The following DNAH14 variants were observed in gnomAD, a reference collection of about 807,000 sequenced individuals.
DNAH14 encodes dynein axonemal heavy chain 14, also known as axonemal beta dynein heavy chain 14.
In DNAH14, 478 loss-of-function variants were observed where a neutral mutation model predicts 520.9. The observed-to-expected ratio is 0.92, with a 90% CI of 0.85 to 0.99. The LOEUF is 0.99. DNAH14 is among the 50% of genes least tolerant of loss of function. The pLI is 0.00. For synonymous variants in DNAH14, 1,581 were observed against 1,757.2 expected (o/e 0.90, Z 2.51); for missense variants, 4,831 against 5,234.5 (o/e 0.92, Z 2.38).
At chr1:225,181,311 T>C (rs2083966635) in intron 36 of DNAH14, among the ~76,000 whole-genome samples, 1 of 152,222 alleles carries the variant, frequency 6.6e-6, no homozygotes, top group South Asian at 2.1e-4. Flanking sequence ...ACCTTTTTGG[T>C]ATAATGATTA....
chr1:225,152,169 C>A, intron 32 of DNAH14, 96 bp downstream of exon 32: 1 of 1,056,658 alleles, frequency 9.5e-7, no homozygotes, highest in Non-Finnish European at 1.4e-6. Flanking sequence ...TGCATCTATC[C>A]ATATATCTGT....
intron 44 of DNAH14, among the ~76,000 whole-genome samples, chr1:225,255,098 AT>A (rs1164445623): frequency 1.3e-5 from 2 of 152,238 alleles, no homozygotes; most frequent in Non-Finnish European, 2.9e-5. Flanking sequence ...GTGACAGACC[AT>A]GACACAGAAT....
chr1:225,085,857 CG>C, intron 21 of DNAH14, 68 bp downstream of exon 21: 1 of 1,427,188 alleles, frequency 7.0e-7, no homozygotes, highest in Non-Finnish European at 9.2e-7. Context: ...CAATCTTTTG[CG>C]GTCTACAGTT....
chr1:225,015,969 A>C (rs2065187043), intron 10 of DNAH14, among the ~76,000 whole-genome samples: 1 of 152,204 alleles, frequency 6.6e-6, no homozygotes. Flanking sequence ...GCTTTGGCGC[A>C]GTCTGGGACT....
At chr1:225,304,782 G>A in intron 57 of DNAH14, 126 bp from the exon 58 acceptor site, 1 of 897,990 alleles carries the variant, frequency 1.1e-6, no homozygotes. Flanking sequence ...TCATCCGGGA[G>A]CTCTCTCTAC....
At chr1:225,220,331 T>G (rs2089918987) in intron 41 of DNAH14, among the ~76,000 whole-genome samples, 1 of 152,158 alleles carries the variant, frequency 6.6e-6, no homozygotes, top group Non-Finnish European at 1.5e-5. Context: ...GAGAAAGAAA[T>G]AAACTGTATT....
chr1:224,951,422 C>T (rs2060163530), intron 1 of DNAH14, among the ~76,000 whole-genome samples: 1 of 151,774 alleles, frequency 6.6e-6, no homozygotes, highest in Admixed American at 6.6e-5. Flanking sequence ...AATCCAGTGC[C>T]ATCTACTTCC....
intron 78 of DNAH14, 150 bp downstream of exon 78, chr1:225,375,035 C>G: frequency 1.4e-6 from 1 of 700,504 alleles, no homozygotes; most frequent in Non-Finnish European, 2.3e-6. Flanking sequence ...TTACCCATGA[C>G]TCTATTAAAC....
At chr1:225,304,210 A>G (rs2094196098) in intron 57 of DNAH14, among the ~76,000 whole-genome samples, 1 of 152,172 alleles carries the variant, frequency 6.6e-6, no homozygotes, top group Non-Finnish European at 1.5e-5. Flanking sequence ...ATTTTACTCA[A>G]AGAAATTTCC....
At chr1:224,930,890 G>T (rs992781100) in intron 1 of DNAH14, among the ~76,000 whole-genome samples, 2 of 152,170 alleles carry the variant, frequency 1.3e-5, no homozygotes, top group Admixed American at 6.5e-5. Flanking sequence ...GAGCCACGGC[G>T]CCCGGCCTCT....
At chr1:225,162,684 AT>A (rs921045269) in intron 35 of DNAH14, among the ~76,000 whole-genome samples, 1 of 152,170 alleles carries the variant, frequency 6.6e-6, no homozygotes, top group African/African-American at 2.4e-5. Flanking sequence ...ATAGCTTTCC[AT>A]TTTTTGTTGT....
intron 67 of DNAH14, 68 bp downstream of exon 67, chr1:225,337,564 G>A: frequency 7.8e-7 from 1 of 1,282,732 alleles, no homozygotes; most frequent in Non-Finnish European, 1.1e-6. Flanking sequence ...GAGCATAAAG[G>A]CTAAAAGTTT....
At chr1:225,009,928 T>G (rs1475096084) in intron 10 of DNAH14, among the ~76,000 whole-genome samples, 1 of 152,194 alleles carries the variant, frequency 6.6e-6, no homozygotes, top group African/African-American at 2.4e-5. Flanking sequence ...ACGCTTGTGA[T>G]TTTTGCACAT....
At chr1:225,127,488 T>C (rs1443806243) in intron 27 of DNAH14, among the ~76,000 whole-genome samples, 9 of 152,274 alleles carry the variant, frequency 5.9e-5, no homozygotes, top group African/African-American at 2.2e-4. Flanking sequence ...CCTTTGATCT[T>C]TGTTGGTTTA....
chr1:225,111,831 G>A lies in DNAH14; in HGVS notation c.3868-5853G>A, dbSNP rs371696726. On this transcript the variant is annotated intron_variant, in intron 23 of 85. Transcript: ENST00000682510. The stretch of plus-strand genomic sequence containing the variant: ...TTTTTGGATCTGAGGTTACCATGAG[G>A]CTTGCAAATAATATCATGTAACTGT... Among the ~76,000 whole-genome samples the A allele has an allele frequency of 2.4e-4, 36 of 151,844 alleles. 1 individual carries two copies. Among genetic ancestry groups the A allele is most frequent in the African/African-American group, 8.2e-4 (34 of 41,346 alleles).
chr1:224,993,204 A>C (rs1311973327), intron 8 of DNAH14, among the ~76,000 whole-genome samples: 1 of 152,036 alleles, frequency 6.6e-6, no homozygotes, highest in African/African-American at 2.4e-5. Flanking sequence ...TTGGATCATG[A>C]TAGTGCTGGG....
At chr1:225,171,885 G>A (rs1009947281) in intron 36 of DNAH14, among the ~76,000 whole-genome samples, 3 of 152,098 alleles carry the variant, frequency 2.0e-5, no homozygotes, top group African/African-American at 4.8e-5. Context: ...CTGGCAAACC[G>A]AATCCAGCAG....
chr1:225,179,082 T>G (rs2083669559), intron 36 of DNAH14, among the ~76,000 whole-genome samples: 1 of 152,206 alleles, frequency 6.6e-6, no homozygotes, highest in Non-Finnish European at 1.5e-5. Context: ...CTCTTCCTTT[T>G]GTAAATTGCC....
chr1:225,314,963 C>T (rs2094440286), intron 60 of DNAH14, among the ~76,000 whole-genome samples: 1 of 152,094 alleles, frequency 6.6e-6, no homozygotes, highest in African/African-American at 2.4e-5. Flanking sequence ...CTCTGTATTT[C>T]CTGGATTTGA....
Sources: allele counts gnomAD v4.1 joint callset (sites outside exome capture counted in the v4.1 genomes callset), GRCh38; gene constraint gnomAD v4.1.1; transcripts MANE v1.5; gene names NCBI Gene and HGNC (gene_info 2026-07-23, HGNC 2026-07-21).